ENTPD5: variants seen among roughly 807,000 people sequenced by gnomAD.
The protein encoded by ENTPD5 is nucleoside diphosphate phosphatase ENTPD5.
Under a neutral mutation model 60.2 loss-of-function variants are expected in ENTPD5, and 49 were observed. That is an observed-to-expected ratio of 0.81 (90% CI 0.65 to 1.03). ENTPD5 has a LOEUF of 1.03. Among genes scored for constraint, ENTPD5 ranks in the 50% least tolerant of loss-of-function variants. The pLI is 0.00. For missense variants in ENTPD5, 480 were observed against 507.6 expected, an observed-to-expected ratio of 0.95 and a Z score of 0.52; for synonymous variants, 187 against 185.4, an observed-to-expected ratio of 1.01 and a Z score of -0.07.
intron 3 of ENTPD5, among the ~76,000 whole-genome samples, chr14:74,001,554 G>A (rs1566759476): frequency 6.7e-6 from 1 of 148,434 alleles, no homozygotes; most frequent in African/African-American, 2.5e-5. Context: ...TGTAGTCCGA[G>A]CTACTCGGGA....
At chr14:74,015,185 A>G (rs2058977796) in intron 2 of ENTPD5, among the ~76,000 whole-genome samples, 10 of 152,152 alleles carry the variant, frequency 6.6e-5, no homozygotes, top group Admixed American at 6.6e-4. Flanking sequence ...AAAGTTGTTC[A>G]CTTAGACTGA....
At chr14:73,981,872 G>A (rs922924877) in intron 6 of ENTPD5, among the ~76,000 whole-genome samples, 2 of 150,846 alleles carry the variant, frequency 1.3e-5, no homozygotes, top group African/African-American at 2.4e-5. Flanking sequence ...ATGCTGAGAG[G>A]AAAAAAGCCA....
At chr14:73,961,367 G>A (rs1014709564), downstream of ENTPD5, 4 of 1,614,172 alleles carry the variant, frequency 2.5e-6, no homozygotes, top group Non-Finnish European at 3.4e-6. Flanking sequence ...CTCGGGTGGC[G>A]CTCATTGGGT....
At chr14:74,013,960 C>T (rs557587095) in intron 2 of ENTPD5, among the ~76,000 whole-genome samples, 1 of 152,044 alleles carries the variant, frequency 6.6e-6, no homozygotes, top group South Asian at 2.1e-4. Context: ...GTTGTCCAGG[C>T]CGGTCTCAAA....
chr14:74,006,599 T>A (rs953315651), intron 3 of ENTPD5, among the ~76,000 whole-genome samples: 5 of 150,556 alleles, frequency 3.3e-5, no homozygotes, highest in African/African-American at 7.3e-5. Flanking sequence ...TTTTTTTTTT[T>A]AAATGAGAAG....
At position 73,977,354 on chromosome 14, in the gene ENTPD5, C is replaced by T; in HGVS notation, c.462G>A (p.Lys154=). The T allele has an allele frequency of 6.3e-7, 1 of 1,585,602 alleles. No individual in the cohort carries two copies. Among genetic ancestry groups the T allele is most frequent in the Non-Finnish European group, 8.6e-7 (1 of 1,160,598 alleles). ...LLFEVKEIFR[K]SPFLVPKGSV... ...TGCCCTTTGGTACCAGGAAAGGTGACTTCCTGAAGATCTCCTTTACCTAGA... is the reference window on the plus strand; with the variant it reads ...TGCCCTTTGGTACCAGGAAAGGTGATTTCCTGAAGATCTCCTTTACCTAGA... Residue 154 remains lysine, a synonymous_variant, in exon 7 of 16, where the codon AAG becomes AAA. Coordinates refer to ENST00000334696, the MANE Select transcript of ENTPD5 (RefSeq NM_001249.5).
chr14:73,984,097 G>A (rs1173914325), intron 5 of ENTPD5, among the ~76,000 whole-genome samples: 6 of 151,790 alleles, frequency 4.0e-5, no homozygotes, highest in East Asian at 1.9e-4. Flanking sequence ...GCACAATCTC[G>A]GCTCACTGCA....
chr14:73,996,165 CT>C (rs1364819056), intron 3 of ENTPD5: 30 of 985,144 alleles, frequency 3.0e-5, no homozygotes, highest in African/African-American at 3.5e-5. Context: ...GCCTTTTGCT[CT>C]TTGCTCCTGT....
intron 6 of ENTPD5, among the ~76,000 whole-genome samples, chr14:73,978,026 A>G (rs112849662): frequency 0.04 from 6,119 of 152,314 alleles, 153 homozygotes; most frequent in Non-Finnish European, 0.063. Context: ...AGAATTCTCC[A>G]AATAGGATAG....
Position 73,966,991 on chromosome 14 carries a change from T to C in ENTPD5, c.1224A>G (p.Ile408Met). 1.2e-6 allele frequency: 2 copies of C among 1,614,234 alleles called. No homozygotes were observed. The highest frequency in any genetic ancestry group is 1.7e-6 in the Non-Finnish European group (2 of 1,180,012). Reference sequence around the variant, plus strand: ...TGGCCCCCAAGGCCCAGCCCGTCTCTATGTTGTTCACTTTCTTTGTGAGCT... The same window carrying C: ...TGGCCCCCAAGGCCCAGCCCGTCTCCATGTTGTTCACTTTCTTTGTGAGCT... ...VLQLTKKVNN[I>M]ETGWALGATF... Residue 408 changes from isoleucine (I) to methionine (M), a missense_variant, in exon 16 of 16, where the codon ATA becomes ATG. By Grantham distance (10) the Ile-to-Met change is conservative (BLOSUM62 1). Transcript: ENST00000334696.
At chr14:73,960,250 T>C, downstream of ENTPD5, 6 of 986,728 alleles carry the variant, frequency 6.1e-6, no homozygotes, top group Non-Finnish European at 7.2e-6. Flanking sequence ...ATGTAAATAG[T>C]ATCACTAACT....
downstream of ENTPD5, among the ~76,000 whole-genome samples, chr14:73,957,101 A>AT (rs1418106208): frequency 0.071 from 10,250 of 143,508 alleles, 425 homozygotes; most frequent in African/African-American, 0.083. Context: ...TATTATTATT[A>AT]TTTTTTTTTT....
intron 3 of ENTPD5, 35 bp from the exon 4 acceptor site, chr14:73,988,207 A>G: frequency 1.4e-6 from 2 of 1,462,926 alleles, no homozygotes; most frequent in East Asian, 2.5e-5. Context: ...TAGACCAACT[A>G]GCTTTTTTAG....
chr14:73,969,798 C>T (rs2057142582), intron 15 of ENTPD5, among the ~76,000 whole-genome samples: 1 of 152,152 alleles, frequency 6.6e-6, no homozygotes, highest in South Asian at 2.1e-4. Flanking sequence ...GTGACCTGTG[C>T]GATAGCTTGC....
downstream of ENTPD5, chr14:73,961,796 C>T: frequency 6.2e-7 from 1 of 1,614,184 alleles, no homozygotes; most frequent in Non-Finnish European, 8.5e-7. Context: ...CACTGCTCTT[C>T]TGGCTGCTAC....
At chr14:73,969,715 TAATAAATA>T (rs3081896) in intron 15 of ENTPD5, among the ~76,000 whole-genome samples, 1 of 148,822 alleles carries the variant, frequency 6.7e-6, no homozygotes, top group African/African-American at 2.5e-5. Flanking sequence ...AAAAAAATAA[TAATAAATA>T]AATAAATAAA....
chr14:73,974,338 A>G (rs1286762081), intron 11 of ENTPD5, among the ~76,000 whole-genome samples: 6 of 152,368 alleles, frequency 3.9e-5, no homozygotes, highest in African/African-American at 1.4e-4. Flanking sequence ...CTGGTTGCTG[A>G]GAGGCTTCAA....
chr14:73,974,075 G>A (rs1242392795), intron 11 of ENTPD5, 97 bp from the exon 12 acceptor site: 1 of 923,874 alleles, frequency 1.1e-6, no homozygotes, highest in East Asian at 2.5e-5. Context: ...ATCACCATGG[G>A]GGCTGGGCCT....
chr14:74,010,519 A>G (rs1594958171), intron 3 of ENTPD5, among the ~76,000 whole-genome samples: 1 of 151,812 alleles, frequency 6.6e-6, no homozygotes, highest in Non-Finnish European at 1.5e-5. Context: ...AAGCCATTGC[A>G]CTCCAGCCTG....
Sources: gnomAD v4.1 joint callset for allele counts (sites outside exome capture counted in the v4.1 genomes callset) on GRCh38, gnomAD v4.1.1 for gene constraint, MANE v1.5 for transcripts, NCBI Gene and HGNC (gene_info 2026-07-23, HGNC 2026-07-21) for gene names.